The following KDM4C variants were observed in gnomAD, a reference collection of about 807,000 sequenced individuals.
KDM4C encodes lysine demethylase 4C, also known as lysine-specific demethylase 4C.
KDM4C carries 81 observed loss-of-function variants against 129.3 expected under a neutral mutation model. The observed-to-expected ratio is 0.63, with a 90% confidence interval of 0.52 to 0.75. The LOEUF is 0.75. Among genes scored for constraint, KDM4C ranks in the 30% least tolerant of loss-of-function variants. KDM4C has a pLI of 0.00. For synonymous variants in KDM4C, 573 were observed against 456.1 expected, an observed-to-expected ratio of 1.26 and a Z score of -3.26; for missense variants, 1,457 against 1,304.0, an observed-to-expected ratio of 1.12 and a Z score of -1.81.
chr9:7,144,083 C>G (rs1842005167), intron 19 of KDM4C, among the ~76,000 whole-genome samples: 1 of 151,932 alleles, frequency 6.6e-6, no homozygotes, highest in Non-Finnish European at 1.5e-5. Context: ...TGCATGTATA[C>G]TCATTACTCC....
chr9:6,942,255 ATTTC>A (rs1167415669), intron 8 of KDM4C, among the ~76,000 whole-genome samples: 1 of 138,530 alleles, frequency 7.2e-6, no homozygotes, highest in South Asian at 2.3e-4. Flanking sequence ...AGCCTTATCT[ATTTC>A]TTTCTCATGT....
intron 8 of KDM4C, among the ~76,000 whole-genome samples, chr9:6,921,541 C>G (rs894736475): frequency 6.6e-6 from 1 of 152,232 alleles, no homozygotes; most frequent in Non-Finnish European, 1.5e-5. Context: ...GCTCACCACA[C>G]TCACCACTAT....
chr9:6,873,256 G>T (rs1484685326), intron 5 of KDM4C, among the ~76,000 whole-genome samples: 1 of 152,122 alleles, frequency 6.6e-6, no homozygotes, highest in Non-Finnish European at 1.5e-5. Flanking sequence ...CTCGGCCTGG[G>T]ATTACAGGTG....
At chr9:6,863,951 C>T (rs1435300206) in intron 5 of KDM4C, among the ~76,000 whole-genome samples, 2 of 152,112 alleles carry the variant, frequency 1.3e-5, no homozygotes, top group Non-Finnish European at 2.9e-5. Context: ...GAAACACCTC[C>T]CATTAGGCCC....
chr9:6,937,643 A>G (rs1825062422), intron 8 of KDM4C, among the ~76,000 whole-genome samples: 1 of 152,114 alleles, frequency 6.6e-6, no homozygotes, highest in Non-Finnish European at 1.5e-5. Flanking sequence ...TACATAATAG[A>G]ACATTGCTTC....
chr9:6,763,297 G>A (rs928278015), intron 1 of KDM4C, among the ~76,000 whole-genome samples: 3 of 152,024 alleles, frequency 2.0e-5, no homozygotes, highest in Non-Finnish European at 2.9e-5. Flanking sequence ...TGCCCATGCT[G>A]TTGTTCCCTG....
rs1238150206 is a variant in KDM4C at position 6,888,970 on chromosome 9, A to G, written c.783+907A>G. Among the ~76,000 whole-genome samples, 3 of 74,770 alleles carry G rather than the reference A, an allele frequency of 4.0e-5. 1 individual carries two copies. The highest frequency in any genetic ancestry group is 2.4e-4 in the Admixed American group (2 of 8,346). The allele number at this position is 74,770 out of a possible 152,430, so 49.1% of individuals were successfully genotyped here. A position where few individuals can be genotyped will look rare whatever the true frequency, so the allele number is the denominator to read the frequency against. ...GCCCGGCTAATTTTTTTGTATTTTTAGTAGAGACGGGGTTTCACCGTTTTA... is the reference window on the plus strand; with the variant it reads ...GCCCGGCTAATTTTTTTGTATTTTTGGTAGAGACGGGGTTTCACCGTTTTA... On this transcript the variant is annotated intron_variant, in intron 7 of 21. Transcript: ENST00000381309.
chr9:7,159,528 T>G (rs573137446), intron 19 of KDM4C, among the ~76,000 whole-genome samples: 59 of 152,314 alleles, frequency 3.9e-4, no homozygotes, highest in African/African-American at 1.3e-3. Context: ...GCAGGCCTGG[T>G]GGTGACAAAA....
intron 8 of KDM4C, among the ~76,000 whole-genome samples, chr9:6,930,101 G>T (rs1358674320): frequency 1.3e-5 from 2 of 152,134 alleles, no homozygotes; most frequent in Non-Finnish European, 2.9e-5. Context: ...ACACTCCTTG[G>T]TGCTATGCTA....
At chr9:7,160,988 A>G (rs1843722410) in intron 19 of KDM4C, among the ~76,000 whole-genome samples, 1 of 152,102 alleles carries the variant, frequency 6.6e-6, no homozygotes, top group Non-Finnish European at 1.5e-5. Context: ...GGCTCCACCC[A>G]GTTCAAGCTT....
chr9:6,797,460 G>C (rs1460547543), intron 2 of KDM4C, among the ~76,000 whole-genome samples: 1 of 151,948 alleles, frequency 6.6e-6, no homozygotes, highest in Non-Finnish European at 1.5e-5. Flanking sequence ...TTTTTGAGTG[G>C]AAGGTTTGAC....
intron 8 of KDM4C, among the ~76,000 whole-genome samples, chr9:6,909,857 T>C (rs763247289): frequency 1.3e-5 from 2 of 152,236 alleles, no homozygotes; most frequent in South Asian, 4.1e-4. Context: ...ATTTGATCCT[T>C]GAGTGGAGCA....
chr9:6,937,885 A>G (rs556234033), intron 8 of KDM4C, among the ~76,000 whole-genome samples: 2 of 151,802 alleles, frequency 1.3e-5, no homozygotes, highest in Non-Finnish European at 2.9e-5. Context: ...CTAATTTTTG[A>G]ATTTTTGGTA....
intron 15 of KDM4C, among the ~76,000 whole-genome samples, chr9:7,035,784 C>T (rs1210837690): frequency 1.3e-5 from 2 of 152,108 alleles, no homozygotes; most frequent in East Asian, 1.9e-4. Flanking sequence ...TTGTCCAAAT[C>T]GTATGACTGT....
chr9:6,857,555 A>T (rs929466786), intron 5 of KDM4C, among the ~76,000 whole-genome samples: 2 of 152,120 alleles, frequency 1.3e-5, no homozygotes, highest in African/African-American at 4.8e-5. Context: ...ACCATCCAGG[A>T]TATCTAGTGT....
At chr9:6,721,114 C>A (rs746112404) in intron 1 of KDM4C, 2 of 970,162 alleles carry the variant, frequency 2.1e-6, no homozygotes, top group Non-Finnish European at 3.1e-6. Context: ...GTCTCTGTTG[C>A]CCAGGCTAGA....
At chr9:7,052,894 A>AGAGAGAGAGAGAGCGAGAGAGC (rs1339242817) in intron 17 of KDM4C, among the ~76,000 whole-genome samples, 1 of 105,468 alleles carries the variant, frequency 9.5e-6, no homozygotes. Context: ...AGAGAGAGAG[A>AGAGAGAGAGAGAGCGAGAGAGC]GAGAGAGCGA....
chr9:7,144,991 A>C (rs1842087253), intron 19 of KDM4C, among the ~76,000 whole-genome samples: 1 of 152,152 alleles, frequency 6.6e-6, no homozygotes, highest in Non-Finnish European at 1.5e-5. Flanking sequence ...TGTTGCCTTC[A>C]TCCTTTCTAT....
chr9:6,765,303 C>A (rs1188375281), intron 1 of KDM4C, among the ~76,000 whole-genome samples: 2 of 152,068 alleles, frequency 1.3e-5, no homozygotes, highest in Non-Finnish European at 2.9e-5. Flanking sequence ...TTTTGCCTGA[C>A]TGATTTCTCC....
Sources: allele counts gnomAD v4.1 joint callset (sites outside exome capture counted in the v4.1 genomes callset), GRCh38; gene constraint gnomAD v4.1.1; transcripts MANE v1.5; gene names NCBI Gene and HGNC (gene_info 2026-07-23, HGNC 2026-07-21).